Variants in GRM8 observed in about 807,000 individuals in gnomAD.
GRM8 encodes the protein metabotropic glutamate receptor 8.
A neutral mutation model predicts 87.2 loss-of-function variants in GRM8; 47 were observed. That is an observed-to-expected ratio of 0.54 (90% CI 0.43 to 0.69). GRM8 has a LOEUF of 0.69. Ranked by LOEUF, GRM8 falls within the 30% of genes least tolerant of loss-of-function variation. GRM8 has a pLI of 0.00. For missense variants in GRM8, 1,019 were observed against 1,139.2 expected (o/e 0.89, Z 1.52); for synonymous variants, 396 against 404.5 (o/e 0.98, Z 0.25).
chr7:127,035,817 C>T (rs17866948), intron 3 of GRM8, among the ~76,000 whole-genome samples: 45 of 152,294 alleles, frequency 3.0e-4, no homozygotes, highest in African/African-American at 1.1e-3. Flanking sequence ...CTCCCATCCC[C>T]ATACTGCTTC....
chr7:126,733,303 T>A (rs562908089), intron 7 of GRM8, among the ~76,000 whole-genome samples: 1 of 151,704 alleles, frequency 6.6e-6, no homozygotes, highest in South Asian at 2.1e-4. Flanking sequence ...AAAGCACAAA[T>A]TTTTCTTGCT....
At chr7:127,095,981 A>G (rs781359636) in intron 3 of GRM8, among the ~76,000 whole-genome samples, 1 of 152,224 alleles carries the variant, frequency 6.6e-6, no homozygotes, top group African/African-American at 2.4e-5. Flanking sequence ...AAAATGAAAA[A>G]GGAAGCAAGC....
At chr7:126,510,874 G>T (rs920311558) in intron 9 of GRM8, among the ~76,000 whole-genome samples, 1 of 152,058 alleles carries the variant, frequency 6.6e-6, no homozygotes, top group Non-Finnish European at 1.5e-5. Flanking sequence ...ACCAAAATTA[G>T]AAGTAAGTCT....
At chr7:127,015,143 GGAAGAAGGAAGAA>G (rs1352489451) in intron 3 of GRM8, among the ~76,000 whole-genome samples, 1 of 133,626 alleles carries the variant, frequency 7.5e-6, no homozygotes, top group African/African-American at 2.9e-5. Context: ...GAAGGAAGAA[GGAAGAAGGAAGAA>G]GGAGAAGGAG....
At chr7:127,138,693 A>C (rs575700005) in intron 2 of GRM8, among the ~76,000 whole-genome samples, 4 of 152,160 alleles carry the variant, frequency 2.6e-5, no homozygotes, top group African/African-American at 4.8e-5. Context: ...ACACACATAC[A>C]CACATATGCC....
chr7:126,797,445 C>T (rs1257991884), intron 6 of GRM8, among the ~76,000 whole-genome samples: 1 of 152,062 alleles, frequency 6.6e-6, no homozygotes, highest in Non-Finnish European at 1.5e-5. Context: ...TCACCAATAA[C>T]ATTTCCAACT....
intron 7 of GRM8, among the ~76,000 whole-genome samples, chr7:126,616,401 G>A (rs545174577): frequency 2.0e-5 from 3 of 151,978 alleles, no homozygotes; most frequent in Admixed American, 6.6e-5. Context: ...TTTATAGCAC[G>A]AAATGCCCAC....
At chr7:126,882,404 G>C (rs1214635105) in intron 6 of GRM8, among the ~76,000 whole-genome samples, 1 of 151,938 alleles carries the variant, frequency 6.6e-6, no homozygotes, top group Non-Finnish European at 1.5e-5. Flanking sequence ...TATCACTAAG[G>C]GGGTAAGGAA....
chr7:126,791,188 C>T (rs957292439), intron 6 of GRM8, among the ~76,000 whole-genome samples: 5 of 152,202 alleles, frequency 3.3e-5, no homozygotes, highest in Non-Finnish European at 2.9e-5. Context: ...CCTATTCAGG[C>T]ATAGCACACA....
intron 3 of GRM8, among the ~76,000 whole-genome samples, chr7:126,944,727 T>A (rs778670448): frequency 1.3e-5 from 2 of 152,064 alleles, no homozygotes; most frequent in Non-Finnish European, 2.9e-5. Context: ...TGAATGTAGG[T>A]AAGACACAGA....
chr7:126,636,017 A>G (rs1366555995), intron 7 of GRM8, among the ~76,000 whole-genome samples: 1 of 152,102 alleles, frequency 6.6e-6, no homozygotes, highest in African/African-American at 2.4e-5. Flanking sequence ...TTTTCAATTC[A>G]TAAGGGGATG....
intron 3 of GRM8, among the ~76,000 whole-genome samples, chr7:127,055,792 A>C (rs1819923716): frequency 6.6e-6 from 1 of 151,604 alleles, no homozygotes; most frequent in Admixed American, 6.6e-5. Flanking sequence ...AATAGGATCA[A>C]GGTTTGCTAT....
At chr7:126,469,587 GGTT>G (rs1804910550) in intron 9 of GRM8, among the ~76,000 whole-genome samples, 1 of 151,982 alleles carries the variant, frequency 6.6e-6, no homozygotes, top group African/African-American at 2.4e-5. Flanking sequence ...GAGACCTGAT[GGTT>G]TAATAAGGGG....
At position 126,466,104 on chromosome 7, in the gene GRM8, G is replaced by A. The variant is rs190073417; in HGVS notation, c.2431-19732C>T. Among the ~76,000 whole-genome samples, 650 of 151,932 alleles carry A rather than the reference G, an allele frequency of 4.3e-3. 5 individuals carry two copies. Among genetic ancestry groups the A allele is most frequent in the African/African-American group, 0.015 (623 of 41,482 alleles). On this transcript the variant is annotated intron_variant, in intron 9 of 10. Transcript: ENST00000339582. ...ACTTTTTCAGTCTTCCTGTCAATAA[G>A]TGTGTCTTTTATTAAAATCTTGTTC...
At chr7:126,596,862 C>T (rs1185497089) in intron 8 of GRM8, among the ~76,000 whole-genome samples, 1 of 152,082 alleles carries the variant, frequency 6.6e-6, no homozygotes, top group African/African-American at 2.4e-5. Flanking sequence ...TTGGAAAAAA[C>T]TATGTAAAAG....
intron 2 of GRM8, among the ~76,000 whole-genome samples, chr7:127,175,876 G>T (rs117731705): frequency 1.9e-3 from 291 of 152,246 alleles, no homozygotes; most frequent in Non-Finnish European, 3.3e-3. Context: ...GAATGAAAAT[G>T]ATATAGGTCA....
chr7:126,970,489 C>T (rs1810308976), intron 3 of GRM8, among the ~76,000 whole-genome samples: 1 of 152,134 alleles, frequency 6.6e-6, no homozygotes, highest in Admixed American at 6.6e-5. Flanking sequence ...CTCTCCCTTC[C>T]TTTATAAAAT....
intron 8 of GRM8, among the ~76,000 whole-genome samples, chr7:126,557,563 C>A (rs1793283897): frequency 1.3e-5 from 1 of 74,718 alleles, no homozygotes; most frequent in South Asian, 6.0e-4. Flanking sequence ...TGTTGCTGTA[C>A]AACACTTCCT....
intron 7 of GRM8, among the ~76,000 whole-genome samples, chr7:126,649,742 G>A (rs1803583426): frequency 6.6e-6 from 1 of 152,158 alleles, no homozygotes; most frequent in South Asian, 2.1e-4. Flanking sequence ...TCAGTTGGAT[G>A]TGTTACTTTG....
Sources: gnomAD v4.1 joint callset for allele counts (sites outside exome capture counted in the v4.1 genomes callset) on GRCh38, gnomAD v4.1.1 for gene constraint, MANE v1.5 for transcripts, NCBI Gene and HGNC (gene_info 2026-07-23, HGNC 2026-07-21) for gene names.